The following NDST4 variants were observed in gnomAD, a reference collection of about 807,000 sequenced individuals.
NDST4 encodes the protein N-deacetylase and N-sulfotransferase 4, also known as N-heparan sulfate sulfotransferase 4.
Under a neutral mutation model 100.8 loss-of-function variants are expected in NDST4, and 63 were observed. That is an observed-to-expected ratio of 0.62 (90% CI 0.51 to 0.77). The LOEUF (loss-of-function observed/expected upper bound fraction) is 0.77. NDST4 is among the 30% of genes least tolerant of loss of function. The pLI, the probability that NDST4 is intolerant of heterozygous loss-of-function variation, is 0.00. For missense variants in NDST4, 943 were observed against 1,018.4 expected (o/e 0.93, Z 1.01); for synonymous variants, 377 against 361.8 (o/e 1.04, Z -0.48).
At chr4:114,905,604 A>T (rs1724933657) in intron 6 of NDST4, among the ~76,000 whole-genome samples, 4 of 151,978 alleles carry the variant, frequency 2.6e-5, no homozygotes, top group African/African-American at 9.7e-5. Flanking sequence ...ATGATAATTA[A>T]TTAACATCTA....
chr4:114,922,777 C>T (rs766816639), intron 6 of NDST4, among the ~76,000 whole-genome samples: 15 of 152,114 alleles, frequency 9.9e-5, no homozygotes, highest in Admixed American at 2.6e-4. Flanking sequence ...TAGACACATG[C>T]GGTTATGGCA....
chr4:114,967,447 CATCTGAGTCTTCTCAG>C (rs1448374884), intron 4 of NDST4, among the ~76,000 whole-genome samples: 7 of 152,114 alleles, frequency 4.6e-5, no homozygotes, highest in Non-Finnish European at 7.4e-5. Context: ...AAAGCAATTA[CATCTGAGTCTTCTCAG>C]AGCTCTCAGC....
At chr4:115,048,888 C>T (rs949010980) in intron 2 of NDST4, among the ~76,000 whole-genome samples, 1 of 151,778 alleles carries the variant, frequency 6.6e-6, no homozygotes, top group East Asian at 1.9e-4. Context: ...ATCTGCCCTC[C>T]TCGGCCTCCC....
In NDST4 at chr4:115,061,562, G is replaced by T. The variant is rs1246267224; in HGVS notation, c.978+14497C>A. Among the ~76,000 whole-genome samples the T allele has an allele frequency of 2.6e-5, 4 of 151,880 alleles. No homozygotes were observed. The South Asian group carries it at 8.3e-4, about 32-fold the overall frequency. ...ACCACATGTTCTCACTCATAAGTGG[G>T]AGTTGAATAATGAAAACACATTGAC... On this transcript the variant is annotated intron_variant, in intron 2 of 13. Transcript: ENST00000264363.
rs1300053333 is a variant in NDST4, at chr4:115,003,008, CAT to C, written c.979-25736_979-25735del. ...AAACCAAACACCATGTGTTCTCACT[CAT>C]AAGTTACAGTTGAACAATGAGAATA... On this transcript the variant is annotated intron_variant, in intron 2 of 13. Transcript: ENST00000264363. 3.3e-5 allele frequency among the ~76,000 whole-genome samples: 5 copies of C among 152,084 alleles called. No individual in the cohort carries two copies. The East Asian group carries it at 9.7e-4, about 29-fold the overall frequency.
intron 6 of NDST4, among the ~76,000 whole-genome samples, chr4:114,925,691 C>T (rs1725373204): frequency 6.8e-6 from 1 of 146,354 alleles, no homozygotes. Context: ...TTGCAAGTGG[C>T]CAATAGAATA....
chr4:114,968,822 A>G (rs1726440588), intron 4 of NDST4, among the ~76,000 whole-genome samples: 1 of 152,112 alleles, frequency 6.6e-6, no homozygotes, highest in Admixed American at 6.5e-5. Context: ...AAAGGTCACA[A>G]TTTTCCAGCC....
chr4:115,100,389 A>C (rs1729706896), intron 1 of NDST4, among the ~76,000 whole-genome samples: 1 of 152,096 alleles, frequency 6.6e-6, no homozygotes, highest in Non-Finnish European at 1.5e-5. Context: ...GGTGGTGGGA[A>C]AAGTTGTACA....
intron 12 of NDST4, 76 bp from the exon 13 acceptor site, chr4:114,829,968 G>T: frequency 9.9e-7 from 1 of 1,013,594 alleles, no homozygotes; most frequent in South Asian, 1.4e-5. Context: ...ATTGAATAAA[G>T]GAAATGTATT....
intron 13 of NDST4, 71 bp from the exon 14 acceptor site, chr4:114,828,006 T>C: frequency 2.9e-6 from 4 of 1,374,504 alleles, no homozygotes; most frequent in Non-Finnish European, 3.9e-6. Flanking sequence ...AATCTATATT[T>C]CTTAAGGAAT....
chr4:114,967,229 C>T (rs187061354), intron 4 of NDST4, among the ~76,000 whole-genome samples: 1 of 152,084 alleles, frequency 6.6e-6, no homozygotes, highest in Non-Finnish European at 1.5e-5. Flanking sequence ...TTTTATTGAG[C>T]TGAACTCCAG....
intron 6 of NDST4, among the ~76,000 whole-genome samples, chr4:114,871,613 A>T (rs1344759467): frequency 6.6e-6 from 1 of 152,120 alleles, no homozygotes; most frequent in Non-Finnish European, 1.5e-5. Context: ...ATGTTATTAC[A>T]AACATAATCT....
intron 6 of NDST4, among the ~76,000 whole-genome samples, chr4:114,894,120 C>A (rs1303574002): frequency 6.6e-6 from 1 of 152,090 alleles, no homozygotes; most frequent in African/African-American, 2.4e-5. Flanking sequence ...ATACTAGTAC[C>A]ATGCTGTTTT....
At chr4:115,045,108 G>T (rs901068516) in intron 2 of NDST4, among the ~76,000 whole-genome samples, 1 of 152,014 alleles carries the variant, frequency 6.6e-6, no homozygotes, top group African/African-American at 2.4e-5. Flanking sequence ...CTTGAATGAA[G>T]TCTAATAAGA....
At position 114,851,468 on chromosome 4, in the gene NDST4, C is replaced by T. The variant is rs114370562; in HGVS notation, c.1816+1257G>A. ...GGTAGGTCAAATATGAAAATCTAAA[C>T]GTATAGCTTAATGTCTTTATGAATG... On this transcript the variant is annotated intron_variant, in intron 8 of 13. Transcript: ENST00000264363. 2.6e-4 allele frequency among the ~76,000 whole-genome samples: 40 copies of T among 152,076 alleles called. No individual in the cohort carries two copies. The South Asian group carries it at 7.5e-3, about 28-fold the overall frequency.
chr4:115,092,328 C>A (rs917406878), intron 1 of NDST4, among the ~76,000 whole-genome samples: 1 of 152,072 alleles, frequency 6.6e-6, no homozygotes, highest in African/African-American at 2.4e-5. Flanking sequence ...GTAGGCATGC[C>A]CATGACTTGG....
chr4:115,034,106 C>T (rs1578471280), intron 2 of NDST4, among the ~76,000 whole-genome samples: 1 of 152,092 alleles, frequency 6.6e-6, no homozygotes, highest in Admixed American at 6.6e-5. Flanking sequence ...GCCAAAAATC[C>T]TCCTTCTTAT....
At chr4:115,013,086 G>GTT (rs1727590820) in intron 2 of NDST4, among the ~76,000 whole-genome samples, 3 of 150,932 alleles carry the variant, frequency 2.0e-5, no homozygotes, top group African/African-American at 7.3e-5. Context: ...TAGGGGGAAA[G>GTT]TGGGGATGCT....
intron 6 of NDST4, among the ~76,000 whole-genome samples, chr4:114,929,333 G>A (rs1164802781): frequency 6.6e-6 from 1 of 152,054 alleles, no homozygotes; most frequent in African/African-American, 2.4e-5. Context: ...GATTGCTTGA[G>A]GCTATGCATA....
Sources: gnomAD v4.1 joint callset for allele counts (sites outside exome capture counted in the v4.1 genomes callset) on GRCh38, gnomAD v4.1.1 for gene constraint, MANE v1.5 for transcripts, NCBI Gene and HGNC (gene_info 2026-07-23, HGNC 2026-07-21) for gene names.